MORC4: variants seen among roughly 807,000 people sequenced by gnomAD.
The protein encoded by MORC4 is MORC family CW-type zinc finger protein 4.
In MORC4, 22 loss-of-function variants were observed where a neutral mutation model predicts 65.5. The ratio of observed to expected loss-of-function variants is 0.34; its 90% CI spans 0.24 to 0.48. The LOEUF (loss-of-function observed/expected upper bound fraction) is 0.48. MORC4 is among the 20% of genes least tolerant of loss of function. The pLI is 0.99. For missense variants in MORC4, 624 were observed against 703.0 expected (o/e 0.89, Z 1.27); for synonymous variants, 267 against 255.8 (o/e 1.04, Z -0.42).
intron 15 of MORC4, 79 bp from the exon 16 acceptor site, chrX:106,942,300 A>G: frequency 9.3e-7 from 1 of 1,076,001 alleles, no homozygotes; most frequent in Non-Finnish European, 1.3e-6. Context: ...TCATCCTGTG[A>G]TTCCACTATA....
chrX:106,969,804 G>A (rs1020938755), intron 9 of MORC4, among the ~76,000 whole-genome samples: 1 of 111,641 alleles, frequency 9.0e-6, no homozygotes, highest in Non-Finnish European at 1.9e-5. Context: ...GAATAGACCA[G>A]TAACAGGCTC....
At chrX:106,965,804 C>A (rs746312037) in intron 9 of MORC4, among the ~76,000 whole-genome samples, 2 of 112,165 alleles carry the variant, frequency 1.8e-5, no homozygotes, top group South Asian at 7.5e-4. Flanking sequence ...ATACCCAAAT[C>A]ATTGTAAACA....
intron 2 of MORC4, among the ~76,000 whole-genome samples, chrX:106,998,393 G>A (rs1161609190): frequency 8.9e-6 from 1 of 111,864 alleles, no homozygotes; most frequent in Non-Finnish European, 1.9e-5. Context: ...ATTACAAATT[G>A]GAAACTCATT....
chrX:106,942,972 C>G lies in MORC4; in HGVS notation c.1919G>C (p.Arg640Thr). The G allele has an allele frequency of 8.3e-7, 1 of 1,211,325 alleles. No individual in the cohort carries two copies. Among genetic ancestry groups the G allele is most frequent in the Non-Finnish European group, 1.1e-6 (1 of 895,246 alleles). The change falls in exon 15 of 17, where the codon AGG becomes ACG. Residue 640 changes from arginine to threonine, a missense_variant. By Grantham distance (71) the Arg-to-Thr change is moderately conservative (BLOSUM62 -1). Transcript: ENST00000355610. ...PEASKNTGQN[R>T]EVSILYPGAK... Reference sequence around the variant, plus strand: ...CCCTGGATACAGAATTGAAACCTCCCTATTCTGACCTGTATTCTTGCTTGC... The same window carrying G: ...CCCTGGATACAGAATTGAAACCTCCGTATTCTGACCTGTATTCTTGCTTGC...
intron 5 of MORC4, among the ~76,000 whole-genome samples, chrX:106,983,699 A>G (rs1934793550): frequency 9.7e-6 from 1 of 102,954 alleles, no homozygotes. Context: ...TGCTTCAAAG[A>G]TTTTTTCTAC....
rs1248097711 is a variant in MORC4 at position 106,952,020 on chromosome X, A to G, written c.1685+2893T>C. ...CAAAAAAAAAAAAAAAAAAAAAAAA[A>G]AAAAAGGAAAGAAAACTATATGCAC... On this transcript the variant is annotated intron_variant, in intron 14 of 16. Coordinates refer to ENST00000355610, the MANE Select transcript of MORC4 (RefSeq NM_024657.5). Among the ~76,000 whole-genome samples the G allele has an allele frequency of 9.0e-5, 9 of 99,710 alleles. No individual in the cohort carries two copies. In the East Asian group the frequency reaches 2.5e-3, roughly 28 times the overall value. 86.6% of individuals were successfully genotyped at this position (99,710 alleles called of 115,157 possible). A position where few individuals can be genotyped will look rare whatever the true frequency, so the allele number is the denominator to read the frequency against.
In MORC4 at chrX:106,986,069, G is replaced by A. The variant is rs1934863075; in HGVS notation, c.440C>T (p.Thr147Ile). The A allele has an allele frequency of 8.3e-7, 1 of 1,208,627 alleles. No individual in the cohort carries two copies. The highest frequency in any genetic ancestry group is 2.2e-5 in the Admixed American group (1 of 45,733). ...ATAGGTCTGTGATAGAAGTCCAACAGTGAGAGTACCCCCATTCTTGGTGAA... is the reference window on the plus strand; with the variant it reads ...ATAGGTCTGTGATAGAAGTCCAACAATGAGAGTACCCCCATTCTTGGTGAA... ...LVFTKNGGTL[T>I]VGLLSQTYLE... The change falls in exon 4 of 17, where the codon ACT becomes ATT. Residue 147 changes from threonine to isoleucine, a missense_variant. Thr to Ile is a moderately conservative substitution (Grantham distance 89). Transcript: ENST00000355610.
intron 14 of MORC4, among the ~76,000 whole-genome samples, chrX:106,948,574 GC>G (rs2094590184): frequency 9.0e-6 from 1 of 111,623 alleles, no homozygotes; most frequent in African/African-American, 3.2e-5. Context: ...GATATTGCTT[GC>G]TTTCATCCTA....
chrX:106,977,393 T>C (rs761850268), intron 8 of MORC4, among the ~76,000 whole-genome samples: 13 of 111,973 alleles, frequency 1.2e-4, no homozygotes, highest in African/African-American at 3.9e-4. Context: ...AAGCAGTTCA[T>C]CATTTTTTGT....
chrX:106,964,427 T>C (rs1185240600), intron 9 of MORC4, among the ~76,000 whole-genome samples: 3 of 110,627 alleles, frequency 2.7e-5, no homozygotes, highest in African/African-American at 9.9e-5. Flanking sequence ...ATTAGCAGAG[T>C]CCCAGAAAGA....
At position 106,990,190 on chromosome X, in the gene MORC4, A is replaced by T. The variant is rs186299865; in HGVS notation, c.308+3040T>A. On this transcript the variant is annotated intron_variant, in intron 3 of 16. Coordinates refer to ENST00000355610, the MANE Select transcript of MORC4 (RefSeq NM_024657.5). ...GCGACAGAGCAAAACTCCATCTAAT[A>T]AAAAAAAAAATAGAATCCTTTGCTG... 7.4e-3 allele frequency among the ~76,000 whole-genome samples: 770 copies of T among 103,389 alleles called. 5 individuals carry two copies. Among genetic ancestry groups the T allele is most frequent in the Non-Finnish European group, 0.013 (659 of 49,980 alleles). 89.8% of individuals were successfully genotyped at this position (103,389 alleles called of 115,157 possible).
At chrX:106,983,495 A>C (rs1934790399) in intron 5 of MORC4, among the ~76,000 whole-genome samples, 1 of 112,061 alleles carries the variant, frequency 8.9e-6, no homozygotes, top group East Asian at 2.8e-4. Context: ...TCTATTAAAC[A>C]TATCAGTAAT....
At chrX:106,959,541 GTTGTT>G (rs1421839490) in intron 10 of MORC4, among the ~76,000 whole-genome samples, 2 of 111,120 alleles carry the variant, frequency 1.8e-5, no homozygotes, top group Non-Finnish European at 3.8e-5. Flanking sequence ...TCTTGTTGTT[GTTGTT>G]TTTTCCTTTT....
chrX:106,956,420 T>C, intron 13 of MORC4, 60 bp downstream of exon 13: 1 of 986,561 alleles, frequency 1.0e-6, no homozygotes. Flanking sequence ...TCCTTCAACT[T>C]ATATTTTCTG....
At chrX:106,956,905 G>A in intron 12 of MORC4, 31 bp downstream of exon 12, 2 of 1,101,715 alleles carry the variant, frequency 1.8e-6, no homozygotes, top group Non-Finnish European at 2.5e-6. Flanking sequence ...TCTACCCTAT[G>A]GTAGAGAACC....
Position 106,980,880 on chromosome X carries a change from T to A in MORC4, c.936+11A>T. ...GGTCAACTTCATGTAGTGGTACACT[T>A]GTAAGGATACTGTGAAGGTAGGTTT... On this transcript the variant is annotated intron_variant, in intron 7 of 16. Coordinates refer to ENST00000355610, the MANE Select transcript of MORC4 (RefSeq NM_024657.5). The A allele has an allele frequency of 8.3e-7, 1 of 1,203,362 alleles. No individual in the cohort carries two copies. The highest frequency in any genetic ancestry group is 1.1e-6 in the Non-Finnish European group (1 of 888,275).
At position 106,982,361 on chromosome X, in the gene MORC4, A is replaced by C. The variant is rs568613036; in HGVS notation, c.675-884T>G. Among the ~76,000 whole-genome samples, 18 of 111,886 alleles carry C rather than the reference A, an allele frequency of 1.6e-4. No individual in the cohort carries two copies. The South Asian group carries it at 6.8e-3, about 42-fold the overall frequency. On this transcript the variant is annotated intron_variant, in intron 5 of 16. Coordinates refer to ENST00000355610, the MANE Select transcript of MORC4 (RefSeq NM_024657.5). Reference sequence around the variant, plus strand: ...AGCTCTAGTGATAACTCTGCTTCATACTTCAGGCTCTATAAGCTCAGAGCT... The same window carrying C: ...AGCTCTAGTGATAACTCTGCTTCATCCTTCAGGCTCTATAAGCTCAGAGCT...
chrX:106,989,363 T>C (rs1346311344), intron 3 of MORC4, among the ~76,000 whole-genome samples: 2 of 112,271 alleles, frequency 1.8e-5, no homozygotes, highest in Non-Finnish European at 3.8e-5. Flanking sequence ...CCTTTTTAAT[T>C]TGATTTTCAT....
chrX:106,956,640 T>G, intron 12 of MORC4, 106 bp from the exon 13 acceptor site: 1 of 717,458 alleles, frequency 1.4e-6, no homozygotes. Flanking sequence ...AAATTACAAA[T>G]ACTGTGAGCC....
Sources: gnomAD v4.1 joint callset for allele counts (sites outside exome capture counted in the v4.1 genomes callset) on GRCh38, gnomAD v4.1.1 for gene constraint, MANE v1.5 for transcripts, NCBI Gene and HGNC (gene_info 2026-07-23, HGNC 2026-07-21) for gene names.